Variants in PTPRC observed in about 807,000 individuals in gnomAD.
PTPRC encodes receptor-type tyrosine-protein phosphatase C.
PTPRC carries 44 observed loss-of-function variants against 155.9 expected under a neutral mutation model. The observed-to-expected ratio is 0.28, with a 90% CI of 0.22 to 0.36. The LOEUF is 0.36. PTPRC is among the 10% of genes least tolerant of loss of function. The pLI is 1.00. For missense variants in PTPRC, 1,401 were observed against 1,564.6 expected, an observed-to-expected ratio of 0.90 and a Z score of 1.76; for synonymous variants, 525 against 533.1, an observed-to-expected ratio of 0.98 and a Z score of 0.21.
chr1:198,692,167 C>G (rs936889728), intron 2 of PTPRC, among the ~76,000 whole-genome samples, 180 bp from the exon 3 acceptor site: 3 of 151,954 alleles, frequency 2.0e-5, no homozygotes, highest in Non-Finnish European at 4.4e-5. Flanking sequence ...TATATTTGGG[C>G]TTTGTAAACA....
At chr1:198,648,345 AAGGTCACC>A (rs1479038147) in intron 2 of PTPRC, among the ~76,000 whole-genome samples, 1 of 151,780 alleles carries the variant, frequency 6.6e-6, no homozygotes, top group Non-Finnish European at 1.5e-5. Flanking sequence ...CTAATTTTCC[AAGGTCACC>A]AGCTAATAGC....
intron 2 of PTPRC, among the ~76,000 whole-genome samples, chr1:198,669,402 A>T (rs988769738): frequency 6.6e-6 from 1 of 152,088 alleles, no homozygotes; most frequent in Non-Finnish European, 1.5e-5. Context: ...GCCTCCTTTC[A>T]TGTACTGTGT....
chr1:198,667,993 T>G (rs1460041114), intron 2 of PTPRC, among the ~76,000 whole-genome samples: 3 of 152,218 alleles, frequency 2.0e-5, no homozygotes, highest in African/African-American at 7.2e-5. Context: ...ATACACAACT[T>G]AGCTTACAAT....
intron 17 of PTPRC, among the ~76,000 whole-genome samples, chr1:198,730,559 A>G (rs924040304): frequency 1.3e-5 from 2 of 152,152 alleles, no homozygotes; most frequent in African/African-American, 4.8e-5. Flanking sequence ...AGGAATGAAG[A>G]GTACAATCAG....
chr1:198,719,293 G>A (rs1653761483), intron 14 of PTPRC, among the ~76,000 whole-genome samples: 1 of 151,804 alleles, frequency 6.6e-6, no homozygotes, highest in Non-Finnish European at 1.5e-5. Context: ...TTCTTTTAAT[G>A]AAGTTTCTTT....
Position 198,666,396 on chromosome 1 carries a change from C to A in PTPRC, c.74-25951C>A, listed in dbSNP as rs116607659. 3.7e-3 allele frequency among the ~76,000 whole-genome samples: 567 copies of A among 152,144 alleles called. 5 individuals carry two copies. Among genetic ancestry groups the A allele is most frequent in the African/African-American group, 0.012 (501 of 41,502 alleles). Reference sequence around the variant, plus strand: ...AGAAGGTAGGAACAATGAAAAGATTCTTTTAGTGATCATAGTGGCTCCAAA... The same window carrying A: ...AGAAGGTAGGAACAATGAAAAGATTATTTTAGTGATCATAGTGGCTCCAAA... On this transcript the variant is annotated intron_variant, in intron 2 of 32. Transcript: ENST00000442510.
chr1:198,665,079 C>CCTT lies in PTPRC; in HGVS notation c.73+25738_73+25739insCTT, dbSNP rs1557979011. ...GAGTGTTTTTAGAACATCCCGGCAG[C>CCTT]ATTTTTTTTTTTTTTTTTTTTTTTT... On this transcript the variant is annotated intron_variant, in intron 2 of 32. Transcript: ENST00000442510. Among the ~76,000 whole-genome samples the CCTT allele has an allele frequency of 1.5e-4, 15 of 102,210 alleles. 4 individuals carry two copies. Among genetic ancestry groups the CCTT allele is most frequent in the African/African-American group, 2.1e-4 (6 of 28,202 alleles). 67.1% of individuals were successfully genotyped at this position (102,210 alleles called of 152,430 possible).
In PTPRC at chr1:198,729,144, G is replaced by A. The variant is rs1571875954; in HGVS notation, c.1837G>A (p.Asp613Asn). 9 of 1,610,836 alleles carry A rather than the reference G, an allele frequency of 5.6e-6. No homozygotes were observed. The East Asian group carries it at 2.0e-4, about 36-fold the overall frequency. ...TTTTTCCTATTTTCACAGCAATTTA[G>A]ATGAACAGCAGGAGCTTGTTGAAAG... Reference protein sequence around the residue: ...DLHKKRSCNLDEQQELVERDD... With the variant: ...DLHKKRSCNLNEQQELVERDD... Residue 613 changes from aspartate (D) to asparagine (N), a missense_variant, in exon 17 of 33, where the codon GAT (aspartate) becomes AAT (asparagine). Asp to Asn is a conservative substitution (Grantham distance 23, BLOSUM62 1). Around this residue, in one of 3 missense-constraint regions of PTPRC, gnomAD observed 867 missense variants for 970.4 expected, o/e 0.89. Coordinates refer to ENST00000442510, the MANE Select transcript of PTPRC (RefSeq NM_002838.5).
intron 3 of PTPRC, among the ~76,000 whole-genome samples, chr1:198,696,183 T>TATAG (rs1553237295): frequency 0.013 from 1,908 of 149,714 alleles, 20 homozygotes; most frequent in Non-Finnish European, 0.016. Context: ...TATATATATA[T>TATAG]ATAGATAGAT....
At chr1:198,674,514 T>C (rs903705797) in intron 2 of PTPRC, among the ~76,000 whole-genome samples, 1 of 148,308 alleles carries the variant, frequency 6.7e-6, no homozygotes, top group Non-Finnish European at 1.5e-5. Flanking sequence ...TAATAATATA[T>C]ATAGCATATA....
chr1:198,732,167 T>C (rs1195034934), intron 18 of PTPRC, 133 bp from the exon 19 acceptor site: 5 of 782,876 alleles, frequency 6.4e-6, no homozygotes, highest in African/African-American at 3.5e-5. Flanking sequence ...TTTTGATTAC[T>C]CTAAGCAAAT....
chr1:198,639,487 C>CAACA, intron 2 of PTPRC, 146 bp downstream of exon 2: 4 of 646,390 alleles, frequency 6.2e-6, no homozygotes, highest in Non-Finnish European at 1.1e-5. Flanking sequence ...CTCAGGGAGA[C>CAACA]ATAGCTAGTT....
intron 26 of PTPRC, among the ~76,000 whole-genome samples, chr1:198,746,273 C>T (rs758704477): frequency 1.3e-4 from 19 of 151,700 alleles, no homozygotes; most frequent in Non-Finnish European, 2.4e-4. Flanking sequence ...GCAGGAATAT[C>T]AAAGTGCTTG....
intron 2 of PTPRC, among the ~76,000 whole-genome samples, chr1:198,662,444 C>CTGTG (rs5779935): frequency 0.39 from 50,864 of 130,860 alleles, 9,539 homozygotes; most frequent in Middle Eastern, 0.52. Flanking sequence ...TTTCTGAGAG[C>CTGTG]TGTGTGTGTG....
At chr1:198,750,807 C>G (rs1227321911) in intron 29 of PTPRC, among the ~76,000 whole-genome samples, 181 bp downstream of exon 29, 1 of 152,026 alleles carries the variant, frequency 6.6e-6, no homozygotes, top group Non-Finnish European at 1.5e-5. Context: ...TGTCTGGATT[C>G]TGACAGTCTC....
In PTPRC at chr1:198,750,763, C is replaced by T. The variant is rs1655345827; in HGVS notation, c.3207+137C>T. On this transcript the variant is annotated intron_variant, in intron 29 of 32. Coordinates refer to ENST00000442510, the MANE Select transcript of PTPRC (RefSeq NM_002838.5). ...ACATAATTCTGTCTGCTCAGTCTTA[C>T]CCCTTTCACCCTGGTGTTGGCCTCC... The T allele has an allele frequency of 9.9e-6, 11 of 1,115,250 alleles. No homozygotes were observed. In the Admixed American group the frequency reaches 1.8e-4, roughly 19 times the overall value. The allele number at this position is 1,115,250 out of a possible 1,614,324, so 69.1% of individuals were successfully genotyped here.
chr1:198,710,750 T>C (rs999123668), intron 11 of PTPRC, among the ~76,000 whole-genome samples: 2 of 152,252 alleles, frequency 1.3e-5, no homozygotes, highest in Admixed American at 6.5e-5. Context: ...AAAAGTACAA[T>C]TGATTTTTCT....
intron 5 of PTPRC, among the ~76,000 whole-genome samples, chr1:198,701,491 C>T (rs938094685): frequency 5.3e-5 from 8 of 152,170 alleles, no homozygotes; most frequent in African/African-American, 1.9e-4. Context: ...TTGCTTTTTC[C>T]ATGGCAACTA....
chr1:198,725,651 T>G, intron 15 of PTPRC, among the ~76,000 whole-genome samples: 1 of 152,174 alleles, frequency 6.6e-6, no homozygotes, highest in Admixed American at 6.5e-5. Context: ...TCTCACTGCT[T>G]TCATTTAATT....
Sources: gnomAD v4.1 joint callset for allele counts (sites outside exome capture counted in the v4.1 genomes callset) on GRCh38, gnomAD v4.1.1 for gene constraint, gnomAD v4.1.1 regional missense constraint, MANE v1.5 for transcripts, NCBI Gene and HGNC (gene_info 2026-07-23, HGNC 2026-07-21) for gene names.